The following TTC7B variants were observed in gnomAD, a reference collection of about 807,000 sequenced individuals.
TTC7B encodes tetratricopeptide repeat protein 7B.
Under a neutral mutation model 106.8 loss-of-function variants are expected in TTC7B, and 28 were observed. The ratio of observed to expected loss-of-function variants is 0.26; its 90% CI spans 0.19 to 0.36. The LOEUF is 0.36. Among genes scored for constraint, TTC7B ranks in the 10% least tolerant of loss-of-function variants. The probability of loss-of-function intolerance (pLI) is 1.00; values close to 1 mark genes in which losing one functional copy is unlikely to be tolerated. For synonymous variants in TTC7B, 405 were observed against 430.6 expected (o/e 0.94, Z 0.74); for missense variants, 862 against 1,076.4 (o/e 0.80, Z 2.79).
chr14:90,680,440 G>A, intron 8 of TTC7B, 32 bp downstream of exon 8: 2 of 1,579,390 alleles, frequency 1.3e-6, no homozygotes, highest in South Asian at 2.2e-5. Context: ...AGGGCCAGGG[G>A]AAAGAACGAT....
In TTC7B at chr14:90,652,161, G is replaced by A. The variant is rs564119844; in HGVS notation, c.1517+680C>T. ...ACTGCATACTGACTTCAACAGCTGC[G>A]GGACCGGCAGCTCCTGTAACTCCTG... On this transcript the variant is annotated intron_variant, in intron 13 of 19. Transcript: ENST00000328459. 7.2e-5 allele frequency among the ~76,000 whole-genome samples: 11 copies of A among 152,218 alleles called. No individual in the cohort carries two copies. In the South Asian group the frequency reaches 1.7e-3, roughly 23 times the overall value.
chr14:90,668,827 CTTTTTTTTTTTTTTTT>C lies in TTC7B; in HGVS notation c.1152+7680_1152+7695del, dbSNP rs11291974. Reference sequence around the variant, plus strand: ...CAATGCATCCCTATCAAAATTTCAACTTTTTTTTTTTTTTTTTTTTTTTTTTTGCAGTAATGGAAAA... The same window carrying C: ...CAATGCATCCCTATCAAAATTTCAACTTTTTTTTTTTGCAGTAATGGAAAA... On this transcript the variant is annotated intron_variant, in intron 9 of 19. Transcript: ENST00000328459. Among the ~76,000 whole-genome samples the C allele has an allele frequency of 1.3e-3, 119 of 88,538 alleles. 1 individual carries two copies. The highest frequency in any genetic ancestry group is 3.3e-3 in the Admixed American group (24 of 7,312). The allele number at this position is 88,538 out of a possible 152,430, so 58.1% of individuals were successfully genotyped here. A position where few individuals can be genotyped will look rare whatever the true frequency, so the allele number is the denominator to read the frequency against.
In TTC7B at chr14:90,531,299, AGTGG is replaced by A. The variant is rs1313011738; in HGVS notation, c.*10065_*10068del. ...AACAAACAAAAAAACAGCTGGGCAC[AGTGG>A]CTCACGCCTGTAATCCCAGCACTTT... On this transcript the variant is annotated 3_prime_UTR_variant, in exon 20 of 20. Transcript: ENST00000328459. 2.6e-5 allele frequency: 4 copies of A among 152,210 alleles called. No individual in the cohort carries two copies. The highest frequency in any genetic ancestry group is 5.9e-5 in the Non-Finnish European group (4 of 68,084). The allele number at this position is 152,210 out of a possible 1,614,324, so 9.4% of individuals were successfully genotyped here. A position where few individuals can be genotyped will look rare whatever the true frequency, so the allele number is the denominator to read the frequency against.
At chr14:90,745,324 A>G (rs187663579) in intron 3 of TTC7B, among the ~76,000 whole-genome samples, 7 of 151,924 alleles carry the variant, frequency 4.6e-5, no homozygotes, top group Non-Finnish European at 8.8e-5. Context: ...AAGAAGAAGA[A>G]GAAGAAGAAG....
intron 3 of TTC7B, among the ~76,000 whole-genome samples, chr14:90,766,129 TACA>T (rs1890667786): frequency 1.5e-5 from 2 of 129,840 alleles, no homozygotes; most frequent in African/African-American, 6.5e-5. Flanking sequence ...AAAGACAGCC[TACA>T]ACGTTTTTTT....
At chr14:90,592,419 C>T (rs774093004) in intron 18 of TTC7B, among the ~76,000 whole-genome samples, 7 of 152,172 alleles carry the variant, frequency 4.6e-5, no homozygotes, top group Non-Finnish European at 1.0e-4. Context: ...TATTAAAATG[C>T]CTGCACAGGC....
chr14:90,666,619 T>C (rs1403789789), intron 9 of TTC7B, among the ~76,000 whole-genome samples: 1 of 152,216 alleles, frequency 6.6e-6, no homozygotes, highest in Non-Finnish European at 1.5e-5. Context: ...GGAGAAAACA[T>C]AGACATCAAA....
intron 5 of TTC7B, chr14:90,697,993 G>A (rs1887828442): frequency 6.6e-6 from 1 of 152,220 alleles, no homozygotes; most frequent in Non-Finnish European, 1.5e-5. Context: ...ACAGAGCTGA[G>A]AAGGCCTGAA....
chr14:90,594,558 T>C (rs908107422), intron 17 of TTC7B, among the ~76,000 whole-genome samples: 1 of 152,146 alleles, frequency 6.6e-6, no homozygotes, highest in Admixed American at 6.5e-5. Flanking sequence ...GTTTCAAATT[T>C]GAAACTGTTA....
chr14:90,574,917 T>C (rs1340711280), intron 19 of TTC7B, among the ~76,000 whole-genome samples: 1 of 152,216 alleles, frequency 6.6e-6, no homozygotes, highest in Non-Finnish European at 1.5e-5. Context: ...CCTTGGAGCC[T>C]CCGTAGTTGG....
chr14:90,659,985 AGGAGAGAAT>A (rs1186124620), intron 9 of TTC7B, among the ~76,000 whole-genome samples: 28 of 152,126 alleles, frequency 1.8e-4, no homozygotes, highest in African/African-American at 6.5e-4. Context: ...CCAGATAAGG[AGGAGAGAAT>A]GGCAGGTGGT....
At chr14:90,777,090 A>G (rs1891055901) in intron 3 of TTC7B, among the ~76,000 whole-genome samples, 1 of 152,096 alleles carries the variant, frequency 6.6e-6, no homozygotes, top group African/African-American at 2.4e-5. Flanking sequence ...AAATACAAAA[A>G]TTAGCCAGGT....
intron 19 of TTC7B, among the ~76,000 whole-genome samples, chr14:90,560,691 A>G (rs776782758): frequency 6.6e-6 from 1 of 152,178 alleles, no homozygotes; most frequent in Non-Finnish European, 1.5e-5. Context: ...TCAGCAACAC[A>G]GCCTTCTGAG....
In TTC7B at chr14:90,757,774, T is replaced by C. The variant is rs1475454743; in HGVS notation, c.446-12852A>G. 6.6e-6 allele frequency among the ~76,000 whole-genome samples: 1 copy of C among 152,224 alleles called. No homozygotes were observed. Among genetic ancestry groups the C allele is most frequent in the Non-Finnish European group, 1.5e-5 (1 of 68,034 alleles). On this transcript the variant is annotated intron_variant, in intron 3 of 19. Coordinates refer to ENST00000328459, the MANE Select transcript of TTC7B (RefSeq NM_001010854.2). This position sits in a 1 kb window ranked among gnomAD's most constrained non-coding sequence, Gnocchi z 4.1. ...CATAAAGACTGGGATTAGATCTCACTTGAAGACATGAATCTCTCAAGGAAC... is the reference window on the plus strand; with the variant it reads ...CATAAAGACTGGGATTAGATCTCACCTGAAGACATGAATCTCTCAAGGAAC...
At chr14:90,719,665 A>G (rs982407402) in intron 5 of TTC7B, among the ~76,000 whole-genome samples, 1 of 152,146 alleles carries the variant, frequency 6.6e-6, no homozygotes, top group East Asian at 1.9e-4. Flanking sequence ...CTGCTGGGAG[A>G]ACTCATGTGG....
chr14:90,646,779 C>T (rs1885473990), intron 14 of TTC7B, 172 bp downstream of exon 14: 1 of 637,192 alleles, frequency 1.6e-6, no homozygotes. Context: ...AGCTGATGCT[C>T]AAACCAACCA....
At chr14:90,591,009 G>A (rs1891934744) in intron 18 of TTC7B, among the ~76,000 whole-genome samples, 1 of 152,190 alleles carries the variant, frequency 6.6e-6, no homozygotes, top group Non-Finnish European at 1.5e-5. Flanking sequence ...CATGCAATGA[G>A]AAACGGATCT....
chr14:90,563,948 T>C (rs532918675), intron 19 of TTC7B, among the ~76,000 whole-genome samples: 1 of 152,208 alleles, frequency 6.6e-6, no homozygotes, highest in South Asian at 2.1e-4. Flanking sequence ...TCTGCTGTTG[T>C]TTCCTCCAAC....
chr14:90,561,396 T>A (rs1037326635), intron 19 of TTC7B, among the ~76,000 whole-genome samples: 1 of 152,242 alleles, frequency 6.6e-6, no homozygotes, highest in African/African-American at 2.4e-5. Flanking sequence ...GTTATGGGCT[T>A]GGGGTCACCC....
Sources: gnomAD v4.1 joint callset for allele counts (sites outside exome capture counted in the v4.1 genomes callset) on GRCh38, gnomAD v4.1.1 for gene constraint, Gnocchi (gnomAD v3.1) non-coding constraint, MANE v1.5 for transcripts, NCBI Gene and HGNC (gene_info 2026-07-23, HGNC 2026-07-21) for gene names.